LNPK: variants seen among roughly 807,000 people sequenced by gnomAD.
LNPK encodes lunapark, ER junction formation factor.
LNPK carries 29 observed loss-of-function variants against 55.2 expected under a neutral mutation model. That is an observed-to-expected ratio of 0.53 (90% CI 0.39 to 0.72). The LOEUF is 0.72. LNPK is among the 30% of genes least tolerant of loss of function. The pLI is 0.00. For missense variants in LNPK, 467 were observed against 494.8 expected (o/e 0.94, Z 0.53); for synonymous variants, 162 against 168.2 (o/e 0.96, Z 0.29).
chr2:175,967,587 C>T, intron 6 of LNPK: 1 of 944,874 alleles, frequency 1.1e-6, no homozygotes, highest in Non-Finnish European at 1.3e-6. Flanking sequence ...TTTGCATTAA[C>T]TTTGCAATTC....
At chr2:175,975,700 A>T (rs991280850) in intron 5 of LNPK, among the ~76,000 whole-genome samples, 1 of 152,226 alleles carries the variant, frequency 6.6e-6, no homozygotes, top group African/African-American at 2.4e-5. Flanking sequence ...TTCTGTTCCC[A>T]TTTTATAAAT....
chr2:175,941,036 T>C (rs1574817337), intron 9 of LNPK: 4 of 448,990 alleles, frequency 8.9e-6, no homozygotes, highest in Non-Finnish European at 1.8e-5. Context: ...TCACTTGAGC[T>C]CAGGTGTTCA....
chr2:175,959,856 T>C (rs1359320615), intron 8 of LNPK, among the ~76,000 whole-genome samples: 2 of 150,960 alleles, frequency 1.3e-5, no homozygotes, highest in Admixed American at 1.3e-4. Context: ...AATAAAGGGA[T>C]GGAGGAAGAT....
Position 175,979,859 on chromosome 2 carries a change from G to T in LNPK, c.267C>A (p.Ser89Arg). ...PFFAFPLIIW[S>R]IRTVIIFFFS... ...AGAAGAAAATAATTACTGTTCTTAT[G>T]CTCCAGATGCTAAAAGGGAAGCAAA... is the stretch of plus-strand genomic sequence containing the variant. Residue 89 changes from serine to arginine, a missense_variant, in exon 5 of 13, where the codon AGC becomes AGA. Ser to Arg is a moderately radical substitution (Grantham distance 110). Coordinates refer to ENST00000272748, the MANE Select transcript of LNPK (RefSeq NM_030650.3). 1 of 1,576,980 alleles carries T rather than the reference G, an allele frequency of 6.3e-7. No individual in the cohort carries two copies. The highest frequency in any genetic ancestry group is 8.6e-7 in the Non-Finnish European group (1 of 1,163,696).
chr2:175,929,318 G>T lies in LNPK; in HGVS notation c.*649C>A. 8.1e-6 allele frequency: 8 copies of T among 984,938 alleles called. No individual in the cohort carries two copies. Among genetic ancestry groups the T allele is most frequent in the Non-Finnish European group, 9.6e-6 (8 of 829,204 alleles). 61.0% of individuals were successfully genotyped at this position (984,938 alleles called of 1,614,324 possible). On this transcript the variant is annotated 3_prime_UTR_variant, in exon 13 of 13. Coordinates refer to ENST00000272748, the MANE Select transcript of LNPK (RefSeq NM_030650.3). ...CCTTTGGCCCAGTTGTAAAATAAAAGACATCAAAAAGAAACACTGCAGTTG... is the reference window on the plus strand; with the variant it reads ...CCTTTGGCCCAGTTGTAAAATAAAATACATCAAAAAGAAACACTGCAGTTG...
intron 1 of LNPK, among the ~76,000 whole-genome samples, chr2:175,996,088 T>C (rs897561896): frequency 2.0e-5 from 3 of 152,118 alleles, no homozygotes; most frequent in Non-Finnish European, 2.9e-5. Flanking sequence ...GCTGGGATTA[T>C]AGGCGTGAGC....
intron 5 of LNPK, among the ~76,000 whole-genome samples, chr2:175,977,917 AGAT>A (rs57881839): frequency 0.16 from 24,267 of 152,202 alleles, 2,103 homozygotes; most frequent in Non-Finnish European, 0.2. Flanking sequence ...GATGCAAAAG[AGAT>A]GATAACTACA....
At chr2:175,991,830 AG>A (rs1286532871) in intron 4 of LNPK, among the ~76,000 whole-genome samples, 1 of 152,242 alleles carries the variant, frequency 6.6e-6, no homozygotes, top group East Asian at 1.9e-4. Context: ...GTGACCATAT[AG>A]CAGTAAAACG....
intron 9 of LNPK, among the ~76,000 whole-genome samples, chr2:175,940,567 T>C (rs1360491255): frequency 1.3e-5 from 2 of 152,150 alleles, no homozygotes; most frequent in Non-Finnish European, 2.9e-5. Flanking sequence ...GAGTACTGTA[T>C]AGGAATTTTT....
At chr2:175,938,274 G>T in intron 11 of LNPK, 39 bp downstream of exon 11, 1 of 1,200,304 alleles carries the variant, frequency 8.3e-7, no homozygotes, top group Non-Finnish European at 1.2e-6. Context: ...AAATATTTAA[G>T]CATAAAATAT....
chr2:175,985,926 T>C (rs1687386927), intron 4 of LNPK, among the ~76,000 whole-genome samples: 1 of 152,224 alleles, frequency 6.6e-6, no homozygotes, highest in African/African-American at 2.4e-5. Flanking sequence ...GATGTTACCA[T>C]TGGGGTGAGC....
At chr2:175,932,827 G>T (rs953672063) in intron 12 of LNPK, among the ~76,000 whole-genome samples, 1 of 152,128 alleles carries the variant, frequency 6.6e-6, no homozygotes, top group Non-Finnish European at 1.5e-5. Context: ...TTTCTTCCAT[G>T]AAGTTGTAGT....
intron 8 of LNPK, among the ~76,000 whole-genome samples, chr2:175,952,387 T>C (rs1685465949): frequency 6.6e-6 from 1 of 152,042 alleles, no homozygotes; most frequent in African/African-American, 2.4e-5. Context: ...TATAGTACTA[T>C]AGTTAGGGCA....
At chr2:176,001,367 C>T (rs912622488) in intron 1 of LNPK, among the ~76,000 whole-genome samples, 1 of 152,154 alleles carries the variant, frequency 6.6e-6, no homozygotes, top group Admixed American at 6.5e-5. Context: ...CTGGGAAAAG[C>T]AGAACACGGA....
intron 2 of LNPK, among the ~76,000 whole-genome samples, chr2:175,994,957 C>T (rs984304396): frequency 1.9e-4 from 24 of 128,034 alleles, no homozygotes; most frequent in South Asian, 1.0e-3. Flanking sequence ...AGTCTTGCTC[C>T]GTCACCCAGG....
intron 12 of LNPK, among the ~76,000 whole-genome samples, chr2:175,932,826 T>C (rs2105514433): frequency 6.6e-6 from 1 of 152,318 alleles, no homozygotes; most frequent in South Asian, 2.1e-4. Flanking sequence ...ATTTCTTCCA[T>C]GAAGTTGTAG....
intron 1 of LNPK, among the ~76,000 whole-genome samples, chr2:176,001,113 T>C (rs902824774): frequency 6.6e-6 from 1 of 152,146 alleles, no homozygotes; most frequent in Non-Finnish European, 1.5e-5. Flanking sequence ...CAGACAACCT[T>C]AAAATTCTAA....
intron 8 of LNPK, 49 bp from the exon 9 acceptor site, chr2:175,947,741 A>G (rs1685217666): frequency 1.6e-6 from 2 of 1,265,076 alleles, no homozygotes; most frequent in South Asian, 1.6e-5. Flanking sequence ...ATACCATATT[A>G]GCCAGTATCA....
chr2:175,988,228 G>A (rs575459670), intron 4 of LNPK, among the ~76,000 whole-genome samples: 1 of 152,134 alleles, frequency 6.6e-6, no homozygotes, highest in African/African-American at 2.4e-5. Flanking sequence ...TGAGCTGGGC[G>A]TGGTGGCTCA....
Sources: allele counts gnomAD v4.1 joint callset (sites outside exome capture counted in the v4.1 genomes callset), GRCh38; gene constraint gnomAD v4.1.1; transcripts MANE v1.5; gene names NCBI Gene and HGNC (gene_info 2026-07-23, HGNC 2026-07-21).